STRN3: variants seen among roughly 807,000 people sequenced by gnomAD.
The protein encoded by STRN3 is striatin 3.
A neutral mutation model predicts 95.6 loss-of-function variants in STRN3; 29 were observed. The ratio of observed to expected loss-of-function variants is 0.30; its 90% CI spans 0.23 to 0.41. The LOEUF (loss-of-function observed/expected upper bound fraction) is 0.41, where lower values mean the gene tolerates loss of function less well. Among genes scored for constraint, STRN3 ranks in the 10% least tolerant of loss-of-function variants. The pLI, the probability that STRN3 is intolerant of heterozygous loss-of-function variation, is 1.00. For synonymous variants in STRN3, 331 were observed against 357.6 expected (o/e 0.93, Z 0.84); for missense variants, 890 against 972.1 (o/e 0.92, Z 1.12).
chr14:30,990,040 G>C lies in STRN3; in HGVS notation c.283-33798C>G, dbSNP rs1034314152. ...ACAGAACAAGAGGCTATAAACTCAG[G>C]AAAGAGGGACTCCTATACACATTTC... On this transcript the variant is annotated intron_variant, in intron 1 of 17. Transcript: ENST00000357479. Among the ~76,000 whole-genome samples the C allele has an allele frequency of 6.9e-4, 27 of 39,074 alleles. 1 individual carries two copies. The highest frequency in any genetic ancestry group is 1.7e-3 in the African/African-American group (25 of 15,116). The allele number at this position is 39,074 out of a possible 152,430, so 25.6% of individuals were successfully genotyped here.
intron 1 of STRN3, among the ~76,000 whole-genome samples, chr14:30,980,278 C>T (rs1046827389): frequency 3.9e-5 from 6 of 152,132 alleles, no homozygotes. Flanking sequence ...TTTGTTGATA[C>T]TTGACAGCAG....
At chr14:30,993,647 T>C (rs1276720157) in intron 1 of STRN3, among the ~76,000 whole-genome samples, 1 of 152,158 alleles carries the variant, frequency 6.6e-6, no homozygotes, top group Non-Finnish European at 1.5e-5. Flanking sequence ...TATATACATG[T>C]AAAATATGAC....
rs1881759421 is a variant in STRN3, at chr14:30,987,652, A to C, written c.283-31410T>G. On this transcript the variant is annotated intron_variant, in intron 1 of 17. Coordinates refer to ENST00000357479, the MANE Select transcript of STRN3 (RefSeq NM_001083893.2). ...AGCTTAAAAAGTAAAACAATAAAAT[A>C]ATCAATATTTGCATTCCAGAAAGAT... 2.0e-5 allele frequency among the ~76,000 whole-genome samples: 3 copies of C among 152,196 alleles called. No individual in the cohort carries two copies. The South Asian group carries it at 6.2e-4, about 31-fold the overall frequency.
rs567086621 is a variant in STRN3, at chr14:30,946,821, T to C, written c.716+269A>G. 4.6e-5 allele frequency among the ~76,000 whole-genome samples: 7 copies of C among 151,848 alleles called. No individual in the cohort carries two copies. In the South Asian group the frequency reaches 1.0e-3, roughly 23 times the overall value. On this transcript the variant is annotated intron_variant, in intron 5 of 17. Transcript: ENST00000357479. The stretch of plus-strand genomic sequence containing the variant: ...GGTGAAACCCCGTGTCTACTAAAAA[T>C]ACAAAAAATTAGCCAGGAGTGGTGG...
In STRN3 at chr14:30,955,683, G is replaced by A. The variant is rs1489541260; in HGVS notation, c.397C>T (p.His133Tyr). 1 of 1,580,190 alleles carries A rather than the reference G, an allele frequency of 6.3e-7. No homozygotes were observed. Among genetic ancestry groups the A allele is most frequent in the African/African-American group, 1.4e-5 (1 of 72,400 alleles). ...AGTTCCGTGCCATATTTTAATTTGT[G>A]ATATTTTGCCCTGAAAATTTAATCA... ...YALKQERAKY[H>Y]KLKYGTELNQ... is the part of the protein sequence containing the mutation. The change falls in exon 3 of 18, where the codon CAC becomes TAC. Residue 133 changes from histidine to tyrosine, a missense_variant. His to Tyr is a moderately conservative substitution (Grantham distance 83, BLOSUM62 2). Around this residue, in one of 3 missense-constraint regions of STRN3, gnomAD observed 526 missense variants for 526.3 expected, o/e 1.00. Transcript: ENST00000357479.
At chr14:30,933,587 A>G (rs1033559) in intron 7 of STRN3, among the ~76,000 whole-genome samples, 58,937 of 151,978 alleles carry the variant, frequency 0.39, 12,155 homozygotes, top group Non-Finnish European at 0.46. Flanking sequence ...GAAAAGTTAA[A>G]TATTTTTGCT....
intron 9 of STRN3, among the ~76,000 whole-genome samples, chr14:30,917,094 C>A (rs1896759507): frequency 6.6e-6 from 1 of 152,158 alleles, no homozygotes; most frequent in Non-Finnish European, 1.5e-5. Context: ...AAGTTGGGGA[C>A]TGCCACTGAA....
intron 1 of STRN3, among the ~76,000 whole-genome samples, chr14:30,960,388 T>A (rs1264039932): frequency 6.6e-6 from 1 of 151,974 alleles, no homozygotes; most frequent in Non-Finnish European, 1.5e-5. Flanking sequence ...GATATAACAC[T>A]GCAGCAATTA....
intron 1 of STRN3, among the ~76,000 whole-genome samples, chr14:30,963,157 T>C (rs1213988481): frequency 6.6e-6 from 1 of 152,148 alleles, no homozygotes; most frequent in Non-Finnish European, 1.5e-5. Flanking sequence ...TCAAAACGTA[T>C]GAAGCAAAAC....
intron 1 of STRN3, among the ~76,000 whole-genome samples, chr14:30,995,800 A>G (rs1356152014): frequency 6.6e-6 from 1 of 152,236 alleles, no homozygotes; most frequent in East Asian, 1.9e-4. Context: ...ACGAGGCTAC[A>G]TGTAGCAGAC....
chr14:31,026,321 C>T lies in STRN3; in HGVS notation c.-136G>A. 3 of 957,122 alleles carry T rather than the reference C, an allele frequency of 3.1e-6. No individual in the cohort carries two copies. The highest frequency in any genetic ancestry group is 2.4e-5 in the South Asian group (1 of 41,156). The allele number at this position is 957,122 out of a possible 1,614,324, so 59.3% of individuals were successfully genotyped here. A position where few individuals can be genotyped will look rare whatever the true frequency, so the allele number is the denominator to read the frequency against. ...CGGGGAAGGGGTCGTTGCTGTGTGCCTGCCGTGGGTCAGAGCAGGGAGCTG... is the reference window on the plus strand; with the variant it reads ...CGGGGAAGGGGTCGTTGCTGTGTGCTTGCCGTGGGTCAGAGCAGGGAGCTG... On this transcript the variant is annotated 5_prime_UTR_variant, in exon 1 of 18. Coordinates refer to ENST00000357479, the MANE Select transcript of STRN3 (RefSeq NM_001083893.2).
chr14:31,009,097 A>G (rs1882847976), intron 1 of STRN3, among the ~76,000 whole-genome samples: 1 of 152,142 alleles, frequency 6.6e-6, no homozygotes, highest in Non-Finnish European at 1.5e-5. Context: ...AAAAATGTAG[A>G]TCTATGTATA....
At chr14:30,920,796 C>T (rs917682447) in intron 8 of STRN3, among the ~76,000 whole-genome samples, 1 of 152,050 alleles carries the variant, frequency 6.6e-6, no homozygotes, top group Admixed American at 6.6e-5. Flanking sequence ...TTATATCTCC[C>T]TTCACTCAGA....
intron 1 of STRN3, among the ~76,000 whole-genome samples, chr14:31,016,568 G>C (rs143140972): frequency 2.2e-4 from 33 of 152,008 alleles, no homozygotes; most frequent in African/African-American, 8.0e-4. Flanking sequence ...TTTTGAGACA[G>C]AGTCTCGCTC....
intron 1 of STRN3, among the ~76,000 whole-genome samples, chr14:30,987,440 G>C (rs1881748469): frequency 6.6e-6 from 1 of 152,064 alleles, no homozygotes; most frequent in Admixed American, 6.6e-5. Flanking sequence ...CCAGGAGGCA[G>C]AGCTTGCAGT....
chr14:30,912,457 T>A (rs1196200292), intron 10 of STRN3: 1 of 268,494 alleles, frequency 3.7e-6, no homozygotes, highest in African/African-American at 2.2e-5. Flanking sequence ...AAAGCTCCCA[T>A]TAAATGTCAG....
At chr14:30,949,395 G>A (rs537291558) in intron 4 of STRN3, among the ~76,000 whole-genome samples, 27 of 152,306 alleles carry the variant, frequency 1.8e-4, no homozygotes, top group African/African-American at 6.3e-4. Context: ...GGCAGATCAC[G>A]ACGTCAGGAG....
At chr14:31,013,784 G>GC (rs1046295444) in intron 1 of STRN3, among the ~76,000 whole-genome samples, 8 of 150,966 alleles carry the variant, frequency 5.3e-5, no homozygotes, top group African/African-American at 1.7e-4. Flanking sequence ...AGAAACGGGG[G>GC]GGGTCTCACT....
At chr14:30,967,017 GGTGAGA>G (rs1880549161) in intron 1 of STRN3, among the ~76,000 whole-genome samples, 1 of 151,566 alleles carries the variant, frequency 6.6e-6, no homozygotes, top group Non-Finnish European at 1.5e-5. Context: ...GGACAGGCAA[GGTGAGA>G]CACCCCTGGT....
Sources: allele counts gnomAD v4.1 joint callset (sites outside exome capture counted in the v4.1 genomes callset), GRCh38; gene constraint gnomAD v4.1.1; regional missense constraint gnomAD v4.1.1; transcripts MANE v1.5; gene names NCBI Gene and HGNC (gene_info 2026-07-23, HGNC 2026-07-21).